Variants in DENND5B observed in about 807,000 individuals in gnomAD.
The protein encoded by DENND5B is DENN domain-containing protein 5B.
In DENND5B, 34 loss-of-function variants were observed where a neutral mutation model predicts 140.6. The ratio of observed to expected loss-of-function variants is 0.24; its 90% CI spans 0.18 to 0.32. The LOEUF is 0.32. Among genes scored for constraint, DENND5B ranks in the 10% least tolerant of loss-of-function variants. The probability of loss-of-function intolerance (pLI) is 1.00; values close to 1 mark genes in which losing one functional copy is unlikely to be tolerated. For synonymous variants in DENND5B, 551 were observed against 562.1 expected (o/e 0.98, Z 0.28); for missense variants, 1,142 against 1,560.2 (o/e 0.73, Z 4.52).
At chr12:31,435,145 G>A (rs769386210) in intron 7 of DENND5B, among the ~76,000 whole-genome samples, 11 of 151,572 alleles carry the variant, frequency 7.3e-5, no homozygotes, top group South Asian at 2.1e-4. Context: ...CCCTATTCCC[G>A]TACCCACACA....
At chr12:31,480,724 C>T (rs1709226874) in intron 2 of DENND5B, among the ~76,000 whole-genome samples, 1 of 152,068 alleles carries the variant, frequency 6.6e-6, no homozygotes, top group Non-Finnish European at 1.5e-5. Flanking sequence ...TAGGAAAAGG[C>T]TCATTTAGGA....
At chr12:31,499,649 T>C (rs1946928611) in intron 1 of DENND5B, 2 of 1,504,574 alleles carry the variant, frequency 1.3e-6, no homozygotes, top group East Asian at 2.5e-5. Context: ...CATGACGATC[T>C]GCTTCTAGCC....
At chr12:31,468,701 C>T (rs1324471727) in intron 3 of DENND5B, among the ~76,000 whole-genome samples, 1 of 151,894 alleles carries the variant, frequency 6.6e-6, no homozygotes, top group Non-Finnish European at 1.5e-5. Flanking sequence ...GCTCCAGCTA[C>T]GTGGGAGGCT....
chr12:31,394,174 G>A (rs1200731935), intron 17 of DENND5B, among the ~76,000 whole-genome samples: 1 of 151,786 alleles, frequency 6.6e-6, no homozygotes, highest in African/African-American at 2.4e-5. Flanking sequence ...TTTTAGACAT[G>A]AAGTCTATTT....
chr12:31,584,875 G>C (rs1365090960), intron 1 of DENND5B, among the ~76,000 whole-genome samples: 1 of 65,680 alleles, frequency 1.5e-5, no homozygotes, highest in African/African-American at 6.2e-5. Context: ...AAAAGAAATA[G>C]TTGGCGGCTA....
chr12:31,413,586 A>G (rs749523947), intron 12 of DENND5B, 22 bp from the exon 13 acceptor site: 41 of 1,603,154 alleles, frequency 2.6e-5, no homozygotes, highest in Non-Finnish European at 3.5e-5. Context: ...TGGCAACAGC[A>G]AAGATGTAGA....
At chr12:31,401,197 C>T (rs959224018) in intron 15 of DENND5B, among the ~76,000 whole-genome samples, 1 of 152,158 alleles carries the variant, frequency 6.6e-6, no homozygotes, top group African/African-American at 2.4e-5. Flanking sequence ...GAAGGCATCA[C>T]CATGCTCTAA....
intron 5 of DENND5B, among the ~76,000 whole-genome samples, chr12:31,449,730 A>AGTTTTTTT (rs1944422262): frequency 8.2e-5 from 2 of 24,400 alleles, no homozygotes; most frequent in Non-Finnish European, 1.4e-4. Flanking sequence ...TACACAGATT[A>AGTTTTTTT]GTTTTTTTTT....
intron 1 of DENND5B, among the ~76,000 whole-genome samples, chr12:31,553,195 C>CT (rs1949137962): frequency 6.6e-6 from 1 of 152,168 alleles, no homozygotes; most frequent in African/African-American, 2.4e-5. Flanking sequence ...CTCTTGTGGA[C>CT]ATTTAGTGCT....
In DENND5B at chr12:31,486,620, T is replaced by C. The variant is rs76747306; in HGVS notation, c.238-6365A>G. 9.6e-3 allele frequency among the ~76,000 whole-genome samples: 1,463 copies of C among 152,284 alleles called. 25 individuals are homozygous for C. Among genetic ancestry groups the C allele is most frequent in the African/African-American group, 0.033 (1,385 of 41,550 alleles). On this transcript the variant is annotated intron_variant, in intron 2 of 20. Coordinates refer to ENST00000389082, the MANE Select transcript of DENND5B (RefSeq NM_144973.4). ...GCAGAAACTGTATGCCCACAATACCTCAACTACTTATTATTTGGTTCTTCA... is the reference window on the plus strand; with the variant it reads ...GCAGAAACTGTATGCCCACAATACCCCAACTACTTATTATTTGGTTCTTCA...
chr12:31,397,332 A>G (rs1225490210), intron 17 of DENND5B, among the ~76,000 whole-genome samples: 1 of 151,964 alleles, frequency 6.6e-6, no homozygotes, highest in East Asian at 1.9e-4. Flanking sequence ...GTGGATCTCA[A>G]GGTCAAGAGA....
At chr12:31,387,881 C>T in intron 20 of DENND5B, 95 bp from the exon 21 acceptor site, 1 of 1,268,022 alleles carries the variant, frequency 7.9e-7, no homozygotes, top group Non-Finnish European at 1.1e-6. Flanking sequence ...AGGTGTGGGA[C>T]TTGATGGTAC....
At chr12:31,569,395 TC>T (rs1949738491) in intron 1 of DENND5B, among the ~76,000 whole-genome samples, 1 of 152,176 alleles carries the variant, frequency 6.6e-6, no homozygotes, top group Non-Finnish European at 1.5e-5. Flanking sequence ...AACATATATA[TC>T]TGGCTCTGGA....
At chr12:31,484,951 C>T (rs1479134368) in intron 2 of DENND5B, among the ~76,000 whole-genome samples, 1 of 152,144 alleles carries the variant, frequency 6.6e-6, no homozygotes, top group Non-Finnish European at 1.5e-5. Context: ...CCGGCGATGA[C>T]CAGCTTAGTG....
At chr12:31,409,242 C>T (rs1337796371) in intron 14 of DENND5B, 21 bp downstream of exon 14, 43 of 1,554,536 alleles carry the variant, frequency 2.8e-5, no homozygotes, top group Non-Finnish European at 3.1e-5. Context: ...TAACCCTTAA[C>T]GGTCAATTCT....
rs1319432344 is a variant in DENND5B, at chr12:31,389,427, A to G, written c.3538T>C (p.Ser1180Pro). 7 of 1,609,868 alleles carry G rather than the reference A, an allele frequency of 4.3e-6. No homozygotes were observed. The highest frequency in any genetic ancestry group is 5.9e-6 in the Non-Finnish European group (7 of 1,177,990). Residue 1180 changes from serine (S) to proline (P), a missense_variant, in exon 20 of 21, where the codon TCA becomes CCA. Physicochemically the swap from Ser to Pro is moderately conservative, Grantham distance 74. This residue lies in a region of DENND5B where 125 missense variants were observed against 179.0 expected (regional missense o/e 0.70). Transcript: ENST00000389082. ...DNEDDVLIQK[S>P]SCKTFCHYVN... is the part of the protein sequence containing the mutation. ...TAGTGGCAGAAGGTTTTGCAGGATG[A>G]TTTCTGAATAAGGACATCATCTTCA...
intron 1 of DENND5B, among the ~76,000 whole-genome samples, chr12:31,529,783 A>G (rs1006692730): frequency 6.6e-6 from 1 of 152,076 alleles, no homozygotes; most frequent in Non-Finnish European, 1.5e-5. Flanking sequence ...ACACAAAATC[A>G]CATCAGTTTT....
Position 31,441,706 on chromosome 12 carries a change from A to G in DENND5B, c.2012+1069T>C, listed in dbSNP as rs115023717. ...CACAATTCTTTTTAATACTATTTTT[A>G]TTTTTTGAGACAGGGCCTGTTTCCC... On this transcript the variant is annotated intron_variant, in intron 7 of 20. Transcript: ENST00000389082. Among the ~76,000 whole-genome samples the G allele has an allele frequency of 1.3e-3, 198 of 151,730 alleles. 1 individual carries two copies. The highest frequency in any genetic ancestry group is 4.7e-3 in the African/African-American group (194 of 41,374).
chr12:31,411,634 C>T (rs1011084452), intron 13 of DENND5B, among the ~76,000 whole-genome samples: 8 of 151,926 alleles, frequency 5.3e-5, no homozygotes, highest in Non-Finnish European at 1.0e-4. Flanking sequence ...TGAGCCACTG[C>T]GCCCAGCCAA....
Sources: gnomAD v4.1 joint callset for allele counts (sites outside exome capture counted in the v4.1 genomes callset) on GRCh38, gnomAD v4.1.1 for gene constraint, gnomAD v4.1.1 regional missense constraint, MANE v1.5 for transcripts, NCBI Gene and HGNC (gene_info 2026-07-23, HGNC 2026-07-21) for gene names.